Variants in SOBP observed in about 807,000 individuals in gnomAD.
SOBP encodes the protein sine oculis-binding protein homolog.
SOBP carries 4 observed loss-of-function variants against 53.6 expected under a neutral mutation model. The observed-to-expected ratio is 0.07, with a 90% CI of 0.04 to 0.17. The LOEUF (loss-of-function observed/expected upper bound fraction) is 0.17. Ranked by LOEUF, SOBP falls within the 10% of genes least tolerant of loss-of-function variation. SOBP has a pLI of 1.00. For missense variants in SOBP, 1,088 were observed against 1,204.7 expected (o/e 0.90, Z 1.43); for synonymous variants, 584 against 522.6 (o/e 1.12, Z -1.60).
chr6:107,624,085 CG>C (rs1257498231), intron 5 of SOBP, among the ~76,000 whole-genome samples: 26 of 152,180 alleles, frequency 1.7e-4, no homozygotes, highest in African/African-American at 6.3e-4. Context: ...AAAGACCTTG[CG>C]TAAGCATATG....
At chr6:107,591,087 A>G (rs182010809) in intron 5 of SOBP, among the ~76,000 whole-genome samples, 1 of 152,308 alleles carries the variant, frequency 6.6e-6, no homozygotes, top group Non-Finnish European at 1.5e-5. Context: ...ATACACTGTC[A>G]TCCTGGTGGT....
chr6:107,648,529 G>GC (rs1428012940), intron 6 of SOBP, among the ~76,000 whole-genome samples: 2 of 147,302 alleles, frequency 1.4e-5, no homozygotes, highest in Non-Finnish European at 3.0e-5. Flanking sequence ...AAAATGTGTG[G>GC]TTTTTTTTTT....
chr6:107,524,154 G>T (rs1286999201), intron 3 of SOBP, among the ~76,000 whole-genome samples: 2 of 152,210 alleles, frequency 1.3e-5, no homozygotes, highest in East Asian at 3.8e-4. Flanking sequence ...TTTATATGCT[G>T]CCACTTTTGT....
At chr6:107,514,684 G>C (rs1397183803) in intron 3 of SOBP, 1 of 152,168 alleles carries the variant, frequency 6.6e-6, no homozygotes, top group African/African-American at 2.4e-5. Flanking sequence ...TCTTGAATAA[G>C]GTAGTTTCTC....
intron 4 of SOBP, among the ~76,000 whole-genome samples, chr6:107,549,975 T>C (rs1450555593): frequency 6.6e-6 from 1 of 152,170 alleles, no homozygotes; most frequent in Non-Finnish European, 1.5e-5. Flanking sequence ...TGGGCCTTAC[T>C]CATTCCTGGG....
intron 4 of SOBP, among the ~76,000 whole-genome samples, chr6:107,546,988 C>G (rs1784318810): frequency 6.6e-6 from 1 of 152,056 alleles, no homozygotes; most frequent in African/African-American, 2.4e-5. Context: ...TAATAGTGTA[C>G]CATCCCAGGG....
At chr6:107,515,312 T>C (rs1178447366) in intron 3 of SOBP, among the ~76,000 whole-genome samples, 1 of 152,112 alleles carries the variant, frequency 6.6e-6, no homozygotes, top group African/African-American at 2.4e-5. Context: ...AGAAAAGAAG[T>C]TGGAGAAGCT....
chr6:107,561,133 G>A (rs1583212860), intron 4 of SOBP, among the ~76,000 whole-genome samples: 3 of 152,220 alleles, frequency 2.0e-5, no homozygotes, highest in South Asian at 2.1e-4. Context: ...TAATGATTCT[G>A]GGTGTCATCA....
At chr6:107,644,131 T>A (rs1268631305) in intron 6 of SOBP, among the ~76,000 whole-genome samples, 1 of 152,142 alleles carries the variant, frequency 6.6e-6, no homozygotes, top group East Asian at 1.9e-4. Context: ...GGGGAAACCC[T>A]GTCTCTACTA....
At chr6:107,624,085 C>G (rs192255477) in intron 5 of SOBP, among the ~76,000 whole-genome samples, 1 of 152,180 alleles carries the variant, frequency 6.6e-6, no homozygotes, top group African/African-American at 2.4e-5. Flanking sequence ...AAAGACCTTG[C>G]GTAAGCATAT....
At chr6:107,590,933 A>T (rs1352825695) in intron 5 of SOBP, among the ~76,000 whole-genome samples, 1 of 152,214 alleles carries the variant, frequency 6.6e-6, no homozygotes, top group Non-Finnish European at 1.5e-5. Context: ...GCATTGTACT[A>T]GACAGTGCAG....
At chr6:107,560,955 A>G (rs1784756479) in intron 4 of SOBP, among the ~76,000 whole-genome samples, 1 of 152,152 alleles carries the variant, frequency 6.6e-6, no homozygotes. Context: ...CAGTGAGACC[A>G]TTGTCAATAA....
intron 5 of SOBP, chr6:107,621,294 T>G (rs1282125035): frequency 6.2e-6 from 1 of 160,592 alleles, no homozygotes; most frequent in South Asian, 2.0e-4. Flanking sequence ...GATTCGCTGA[T>G]GAGGATGGAG....
At chr6:107,631,100 G>C (rs2115137205) in intron 5 of SOBP, among the ~76,000 whole-genome samples, 1 of 152,182 alleles carries the variant, frequency 6.6e-6, no homozygotes, top group African/African-American at 2.4e-5. Flanking sequence ...TACTCCATTT[G>C]AAAATATTTA....
intron 4 of SOBP, among the ~76,000 whole-genome samples, chr6:107,540,809 C>T (rs1293848417): frequency 1.3e-5 from 2 of 152,204 alleles, no homozygotes; most frequent in African/African-American, 4.8e-5. Context: ...GGTTTAGTCA[C>T]ATTCAGTTTC....
chr6:107,571,526 G>C (rs1255295759), intron 4 of SOBP, among the ~76,000 whole-genome samples: 1 of 152,166 alleles, frequency 6.6e-6, no homozygotes, highest in Non-Finnish European at 1.5e-5. Context: ...ACTTTGCAAT[G>C]GTGGCAACAG....
intron 4 of SOBP, among the ~76,000 whole-genome samples, chr6:107,568,954 A>G (rs569733301): frequency 6.6e-6 from 1 of 152,116 alleles, no homozygotes; most frequent in Admixed American, 6.5e-5. Flanking sequence ...TAAAAAAGAA[A>G]GAAAGATCCG....
intron 1 of SOBP, among the ~76,000 whole-genome samples, chr6:107,501,723 T>C (rs1196182310): frequency 6.6e-6 from 1 of 152,172 alleles, no homozygotes; most frequent in East Asian, 1.9e-4. Flanking sequence ...TGAAAGAAAT[T>C]AGGTGTTGGG....
At position 107,505,926 on chromosome 6, in the gene SOBP, C is replaced by T. The variant is rs544713783; in HGVS notation, c.236-316C>T. Among the ~76,000 whole-genome samples, 9 of 152,340 alleles carry T rather than the reference C, an allele frequency of 5.9e-5. No homozygotes were observed. The South Asian group carries it at 1.2e-3, about 21-fold the overall frequency. ...TTGGCCTCCCAAAGTACTGGGATTACAGGCGTGAGCCACCTTGCCCAGCCA... is the reference window on the plus strand; with the variant it reads ...TTGGCCTCCCAAAGTACTGGGATTATAGGCGTGAGCCACCTTGCCCAGCCA... On this transcript the variant is annotated intron_variant, in intron 2 of 6. Coordinates refer to ENST00000317357, the MANE Select transcript of SOBP (RefSeq NM_018013.4).
Sources: allele counts gnomAD v4.1 joint callset (sites outside exome capture counted in the v4.1 genomes callset), GRCh38; gene constraint gnomAD v4.1.1; transcripts MANE v1.5; gene names NCBI Gene and HGNC (gene_info 2026-07-23, HGNC 2026-07-21).